NUBPL: variants seen among roughly 807,000 people sequenced by gnomAD.
The protein encoded by NUBPL is NUBP iron-sulfur cluster assembly factor, mitochondrial.
In NUBPL, 31 loss-of-function variants were observed where a neutral mutation model predicts 45.7. That is an observed-to-expected ratio of 0.68 (90% CI 0.51 to 0.92). The LOEUF (loss-of-function observed/expected upper bound fraction) is 0.92. NUBPL is among the 40% of genes least tolerant of loss of function. The pLI, the probability that NUBPL is intolerant of heterozygous loss-of-function variation, is 0.00. For missense variants in NUBPL, 401 were observed against 398.7 expected (o/e 1.01, Z -0.05); for synonymous variants, 144 against 140.9 (o/e 1.02, Z -0.15).
chr14:31,635,355 C>T (rs1003321613), intron 4 of NUBPL, among the ~76,000 whole-genome samples: 32 of 152,176 alleles, frequency 2.1e-4, no homozygotes, highest in African/African-American at 7.2e-4. Flanking sequence ...GAATCCTTTC[C>T]CCATTGCTTA....
chr14:31,802,478 A>G (rs532093578), intron 7 of NUBPL, among the ~76,000 whole-genome samples: 106 of 152,098 alleles, frequency 7.0e-4, no homozygotes, highest in African/African-American at 2.4e-3. Context: ...GGGTTTCACC[A>G]TGTTGGCCAG....
intron 6 of NUBPL, among the ~76,000 whole-genome samples, chr14:31,705,604 A>C (rs995962237): frequency 2.0e-5 from 3 of 152,100 alleles, no homozygotes; most frequent in Non-Finnish European, 4.4e-5. Flanking sequence ...TTAGCTAGAC[A>C]CAGAGTGCTG....
intron 6 of NUBPL, among the ~76,000 whole-genome samples, chr14:31,745,333 A>C (rs1005096934): frequency 5.9e-5 from 9 of 152,148 alleles, no homozygotes; most frequent in African/African-American, 9.7e-5. Context: ...TAGTTTGCTG[A>C]GAATGATGGT....
At chr14:31,653,405 G>A (rs983253640) in intron 4 of NUBPL, among the ~76,000 whole-genome samples, 4 of 152,076 alleles carry the variant, frequency 2.6e-5, no homozygotes, top group Non-Finnish European at 5.9e-5. Flanking sequence ...GACCTCCCCC[G>A]AGGAATGCAA....
chr14:31,689,239 C>T (rs751130092), intron 6 of NUBPL, among the ~76,000 whole-genome samples: 3 of 152,116 alleles, frequency 2.0e-5, no homozygotes, highest in African/African-American at 4.8e-5. Context: ...GAAGAATCAC[C>T]ATACTGCTTT....
chr14:31,759,437 A>G (rs925167955), intron 6 of NUBPL, among the ~76,000 whole-genome samples: 1 of 152,028 alleles, frequency 6.6e-6, no homozygotes, highest in African/African-American at 2.4e-5. Flanking sequence ...AATTATTTTT[A>G]CTTGACAAAT....
At chr14:31,588,006 G>T (rs886067005) in intron 3 of NUBPL, among the ~76,000 whole-genome samples, 26 of 152,108 alleles carry the variant, frequency 1.7e-4, no homozygotes, top group Admixed American at 1.3e-3. Flanking sequence ...AAGAGGTCTT[G>T]GTGTACAGAA....
intron 7 of NUBPL, among the ~76,000 whole-genome samples, chr14:31,806,973 A>G (rs879007336): frequency 2.0e-5 from 3 of 151,626 alleles, no homozygotes; most frequent in African/African-American, 4.8e-5. Flanking sequence ...ATGGCTGCAT[A>G]GTATTCCATG....
At chr14:31,778,459 C>A (rs12436891) in intron 6 of NUBPL, among the ~76,000 whole-genome samples, 1 of 152,062 alleles carries the variant, frequency 6.6e-6, no homozygotes, top group African/African-American at 2.4e-5. Flanking sequence ...AAATGCCACT[C>A]GGGTCTTTGT....
Position 31,811,033 on chromosome 14 carries a change from C to G in NUBPL, c.608-15596C>G, listed in dbSNP as rs554401812. On this transcript the variant is annotated intron_variant, in intron 7 of 10. Coordinates refer to ENST00000281081, the MANE Select transcript of NUBPL (RefSeq NM_025152.3). ...CCTTTGTGGTTAACCCGCCCTTTCT[C>G]TCTGGCTGCCCTTAGCATTTTTTCC... Among the ~76,000 whole-genome samples, 11 of 152,308 alleles carry G rather than the reference C, an allele frequency of 7.2e-5. No homozygotes were observed. In the South Asian group the frequency reaches 2.3e-3, roughly 32 times the overall value.
intron 4 of NUBPL, among the ~76,000 whole-genome samples, chr14:31,645,517 T>G (rs967576049): frequency 1.3e-5 from 2 of 152,200 alleles, no homozygotes; most frequent in African/African-American, 2.4e-5. Context: ...TGTTTCTTAT[T>G]TTTTGGTTGA....
chr14:31,607,359 G>C (rs2034630397), intron 4 of NUBPL, among the ~76,000 whole-genome samples: 1 of 151,064 alleles, frequency 6.6e-6, no homozygotes, highest in Non-Finnish European at 1.5e-5. Context: ...CTGCAGCCTG[G>C]GTGACAGAGT....
chr14:31,614,926 C>T (rs2034856083), intron 4 of NUBPL, among the ~76,000 whole-genome samples: 1 of 152,018 alleles, frequency 6.6e-6, no homozygotes, highest in Non-Finnish European at 1.5e-5. Context: ...AGAGATGATT[C>T]TTGGGCTAAA....
At chr14:31,571,890 A>G (rs1164841121) in intron 3 of NUBPL, among the ~76,000 whole-genome samples, 1 of 152,200 alleles carries the variant, frequency 6.6e-6, no homozygotes, top group Non-Finnish European at 1.5e-5. Flanking sequence ...GCACTGTTAT[A>G]TGTGCTTTCC....
At chr14:31,585,347 G>T (rs1419004763) in intron 3 of NUBPL, among the ~76,000 whole-genome samples, 2 of 152,196 alleles carry the variant, frequency 1.3e-5, no homozygotes, top group Non-Finnish European at 2.9e-5. Flanking sequence ...GTTGCGGGAT[G>T]GACAAACTTG....
intron 4 of NUBPL, among the ~76,000 whole-genome samples, chr14:31,644,485 C>T (rs2035791000): frequency 6.6e-6 from 1 of 152,038 alleles, no homozygotes; most frequent in Non-Finnish European, 1.5e-5. Flanking sequence ...TTAGTAGTTT[C>T]TAGTTTTATT....
At chr14:31,652,620 A>G (rs1214083093) in intron 4 of NUBPL, among the ~76,000 whole-genome samples, 2 of 152,200 alleles carry the variant, frequency 1.3e-5, no homozygotes, top group African/African-American at 4.8e-5. Context: ...CATTTATATA[A>G]AGTAATAACA....
chr14:31,759,072 A>G (rs545227870), intron 6 of NUBPL, among the ~76,000 whole-genome samples: 1 of 152,256 alleles, frequency 6.6e-6, no homozygotes, highest in South Asian at 2.1e-4. Flanking sequence ...TCGACTTTAA[A>G]AAAAACAAAA....
chr14:31,843,983 G>A (rs1000362259), intron 8 of NUBPL: 1 of 152,164 alleles, frequency 6.6e-6, no homozygotes, highest in Non-Finnish European at 1.5e-5. Flanking sequence ...TATTCCTTGT[G>A]TTTAGCCCAG....
Sources: gnomAD v4.1 joint callset for allele counts (sites outside exome capture counted in the v4.1 genomes callset) on GRCh38, gnomAD v4.1.1 for gene constraint, MANE v1.5 for transcripts, NCBI Gene and HGNC (gene_info 2026-07-23, HGNC 2026-07-21) for gene names.